SMURF2: variants seen among roughly 807,000 people sequenced by gnomAD.
SMURF2 encodes SMAD specific E3 ubiquitin protein ligase 2, also known as E3 ubiquitin-protein ligase SMURF2.
Under a neutral mutation model 109.6 loss-of-function variants are expected in SMURF2, and 48 were observed. The ratio of observed to expected loss-of-function variants is 0.44; its 90% CI spans 0.35 to 0.56. The LOEUF is 0.56. Ranked by LOEUF, SMURF2 falls within the 20% of genes least tolerant of loss-of-function variation. The probability of loss-of-function intolerance (pLI) is 0.01; values close to 1 mark genes in which losing one functional copy is unlikely to be tolerated. For missense variants in SMURF2, 575 were observed against 909.0 expected (o/e 0.63, Z 4.72); for synonymous variants, 288 against 317.1 (o/e 0.91, Z 0.97).
chr17:64,656,966 C>T (rs1226354381), intron 1 of SMURF2, among the ~76,000 whole-genome samples: 1 of 152,112 alleles, frequency 6.6e-6, no homozygotes, highest in African/African-American at 2.4e-5. Flanking sequence ...TAGGTTGGTC[C>T]CTGTCTAGAG....
intron 1 of SMURF2, among the ~76,000 whole-genome samples, chr17:64,630,391 T>C (rs1278965918): frequency 6.6e-6 from 1 of 152,162 alleles, no homozygotes; most frequent in South Asian, 2.1e-4. Flanking sequence ...TGGGAATTTC[T>C]AAAAATATAA....
intron 1 of SMURF2, among the ~76,000 whole-genome samples, chr17:64,626,154 G>T (rs1970266289): frequency 6.6e-6 from 1 of 151,562 alleles, no homozygotes; most frequent in Non-Finnish European, 1.5e-5. Flanking sequence ...AGCTACTCGG[G>T]TGGCTGAGGC....
chr17:64,656,045 T>C (rs1303438235), intron 1 of SMURF2, among the ~76,000 whole-genome samples: 1 of 152,236 alleles, frequency 6.6e-6, no homozygotes, highest in Non-Finnish European at 1.5e-5. Flanking sequence ...AATTGGTTAA[T>C]AAATAATGAC....
chr17:64,602,142 G>A (rs112534488), intron 2 of SMURF2, among the ~76,000 whole-genome samples: 280 of 151,868 alleles, frequency 1.8e-3, no homozygotes, highest in African/African-American at 6.4e-3. Context: ...ATGCAAAGGC[G>A]TAAGAATGAT....
At chr17:64,621,336 T>C (rs929213746) in intron 1 of SMURF2, among the ~76,000 whole-genome samples, 6 of 152,166 alleles carry the variant, frequency 3.9e-5, no homozygotes, top group Non-Finnish European at 7.4e-5. Context: ...TCCCAGCACT[T>C]TGGGAGGCTG....
chr17:64,597,079 T>C (rs1969828221), intron 3 of SMURF2, among the ~76,000 whole-genome samples: 1 of 152,170 alleles, frequency 6.6e-6, no homozygotes, highest in East Asian at 1.9e-4. Context: ...GCTTGTGTCA[T>C]GAGAATGGGG....
rs1969064721 is a variant in SMURF2 at position 64,552,832 on chromosome 17, T to G, written c.1749-1128A>C. On this transcript the variant is annotated intron_variant, in intron 15 of 18. Transcript: ENST00000262435. ...GGTTCTCCTGCCTCGGGCTCCAAAG[T>G]AGCTGGGATTACAGGTGCCTGCCAA... is the stretch of plus-strand genomic sequence containing the variant. Among the ~76,000 whole-genome samples, 3 of 152,128 alleles carry G rather than the reference T, an allele frequency of 2.0e-5. No individual in the cohort carries two copies. The South Asian group carries it at 6.2e-4, about 31-fold the overall frequency.
intron 1 of SMURF2, among the ~76,000 whole-genome samples, chr17:64,646,722 A>C (rs1970564586): frequency 1.3e-5 from 2 of 152,296 alleles, no homozygotes; most frequent in South Asian, 4.1e-4. Context: ...AACTTGATCA[A>C]GTCCTTCAAT....
intron 1 of SMURF2, among the ~76,000 whole-genome samples, chr17:64,607,191 T>C (rs1289040378): frequency 3.3e-5 from 5 of 152,016 alleles, no homozygotes; most frequent in African/African-American, 1.2e-4. Flanking sequence ...GTCTACTATA[T>C]CTTTTAAGAA....
chr17:64,619,501 A>AAAG (rs1456640540), intron 1 of SMURF2, among the ~76,000 whole-genome samples: 8 of 147,890 alleles, frequency 5.4e-5, no homozygotes, highest in East Asian at 2.0e-4. Flanking sequence ...AAAAAAAAAA[A>AAAG]AAGAAGAAGA....
intron 3 of SMURF2, among the ~76,000 whole-genome samples, chr17:64,597,834 A>C (rs1452010326): frequency 6.6e-6 from 1 of 152,082 alleles, no homozygotes; most frequent in South Asian, 2.1e-4. Flanking sequence ...AATAAAATAC[A>C]TATCTAGAAA....
At chr17:64,637,437 A>G (rs1970431955) in intron 1 of SMURF2, among the ~76,000 whole-genome samples, 1 of 151,688 alleles carries the variant, frequency 6.6e-6, no homozygotes, top group Non-Finnish European at 1.5e-5. Context: ...TCCATCTAAG[A>G]GTCTTATGGC....
chr17:64,606,547 C>T (rs559683949), intron 2 of SMURF2, 55 bp downstream of exon 2: 35 of 1,251,496 alleles, frequency 2.8e-5, no homozygotes, highest in African/African-American at 7.7e-5. Flanking sequence ...ATTCTGAAAA[C>T]GCTGTTCCCA....
At chr17:64,650,022 T>C (rs1248583281) in intron 1 of SMURF2, among the ~76,000 whole-genome samples, 1 of 152,086 alleles carries the variant, frequency 6.6e-6, no homozygotes, top group Non-Finnish European at 1.5e-5. Flanking sequence ...TTTAAATAAA[T>C]ATATATTAAT....
chr17:64,554,410 G>A (rs1555683850), intron 15 of SMURF2, among the ~76,000 whole-genome samples: 2 of 152,212 alleles, frequency 1.3e-5, no homozygotes, highest in East Asian at 3.8e-4. Flanking sequence ...GGGAGAGAGA[G>A]TGGCTATGGG....
intron 1 of SMURF2, among the ~76,000 whole-genome samples, chr17:64,618,954 C>T (rs943986259): frequency 7.9e-5 from 12 of 152,034 alleles, no homozygotes; most frequent in African/African-American, 2.2e-4. Context: ...AACTTGTGAC[C>T]CTAAAAACTA....
intron 2 of SMURF2, among the ~76,000 whole-genome samples, chr17:64,606,187 C>T (rs1299639332): frequency 2.0e-5 from 3 of 152,104 alleles, no homozygotes; most frequent in Admixed American, 2.0e-4. Context: ...CTGGAAATTC[C>T]AAGCAGGCTC....
intron 1 of SMURF2, among the ~76,000 whole-genome samples, chr17:64,642,087 G>C (rs541692405): frequency 1.7e-4 from 26 of 152,194 alleles, no homozygotes; most frequent in Non-Finnish European, 3.1e-4. Flanking sequence ...GATTACAGGC[G>C]TGAGCCATCA....
intron 1 of SMURF2, among the ~76,000 whole-genome samples, chr17:64,637,623 G>A (rs1397563298): frequency 6.6e-6 from 1 of 151,972 alleles, no homozygotes; most frequent in Non-Finnish European, 1.5e-5. Context: ...GAGTGTAATA[G>A]TGCGATCTTG....
Sources: gnomAD v4.1 joint callset for allele counts (sites outside exome capture counted in the v4.1 genomes callset) on GRCh38, gnomAD v4.1.1 for gene constraint, MANE v1.5 for transcripts, NCBI Gene and HGNC (gene_info 2026-07-23, HGNC 2026-07-21) for gene names.